PRELID2: variants seen among roughly 807,000 people sequenced by gnomAD.
PRELID2 encodes the protein PRELI domain-containing protein 2.
PRELID2 carries 25 observed loss-of-function variants against 28.4 expected under a neutral mutation model. The ratio of observed to expected loss-of-function variants is 0.88; its 90% CI spans 0.64 to 1.23. The LOEUF is 1.23. PRELID2 is among the 50% of genes most tolerant of loss of function. The probability of loss-of-function intolerance (pLI) is 0.00; values close to 1 mark genes in which losing one functional copy is unlikely to be tolerated. For missense variants in PRELID2, 201 were observed against 214.4 expected, an observed-to-expected ratio of 0.94 and a Z score of 0.39; for synonymous variants, 76 against 71.6, an observed-to-expected ratio of 1.06 and a Z score of -0.31.
intron 1 of PRELID2, among the ~76,000 whole-genome samples, chr5:145,680,890 T>C (rs896206439): frequency 1.3e-5 from 2 of 152,152 alleles, no homozygotes; most frequent in African/African-American, 4.8e-5. Context: ...TCATGAGATG[T>C]CATGTTCCGA....
chr5:145,288,365 C>A, the PRELID2 span, among the ~76,000 whole-genome samples: 12 of 152,102 alleles, frequency 7.9e-5, no homozygotes, highest in African/African-American at 2.9e-4. Context: ...TCACATTATT[C>A]CAGCTTTGAT....
Position 145,829,959 on chromosome 5 carries a change from A to C in PRELID2, c.75+5218T>G, listed in dbSNP as rs1045965785. On this transcript the variant is annotated intron_variant, in intron 1 of 6. Coordinates refer to ENST00000683046, the MANE Select transcript of PRELID2 (RefSeq NM_205846.3). ...ATTTTGTTCAGCACACCAGGCTCCC[A>C]GCCAAAATAAATAACACCCAGGGTC... Among the ~76,000 whole-genome samples, 5 of 152,376 alleles carry C rather than the reference A, an allele frequency of 3.3e-5. No individual in the cohort carries two copies. In the East Asian group the frequency reaches 9.6e-4, roughly 29 times the overall value.
At chr5:145,266,488 G>A in the PRELID2 span, among the ~76,000 whole-genome samples, 2 of 151,938 alleles carry the variant, frequency 1.3e-5, no homozygotes, top group African/African-American at 4.8e-5. Flanking sequence ...ACCACCATGT[G>A]ATACCACCTT....
rs1332903292 is a variant in PRELID2 at position 145,819,985 on chromosome 5, A to G, written c.167T>C (p.Ile56Thr). ...TGGAACCACGTTCTGACAGATTGCA[A>G]TCCTCTTTCTGTAGATGACCCCTGT... ...ESTGVIYRKR[I>T]AICQNVVPEI... The change falls in exon 3 of 7, where the codon ATT becomes ACT. Residue 56 changes from isoleucine (I) to threonine (T), a missense_variant. Transcript: ENST00000683046. 4 of 1,607,394 alleles carry G rather than the reference A, an allele frequency of 2.5e-6. No homozygotes were observed. The highest frequency in any genetic ancestry group is 2.2e-5 in the South Asian group (2 of 89,138).
chr5:145,559,770 G>A (rs1198520112), intron 1 of PRELID2, among the ~76,000 whole-genome samples: 2 of 150,882 alleles, frequency 1.3e-5, no homozygotes, highest in South Asian at 2.1e-4. Context: ...AGCAGTCAAT[G>A]TGGAACATTT....
intron 1 of PRELID2, among the ~76,000 whole-genome samples, chr5:145,478,899 A>G (rs886753436): frequency 6.6e-6 from 1 of 152,222 alleles, no homozygotes; most frequent in Admixed American, 6.5e-5. Context: ...TAGCCATAAC[A>G]GAGCCAAAAA....
chr5:145,726,283 CAGAA>C (rs929308519), intron 1 of PRELID2, among the ~76,000 whole-genome samples: 4 of 133,662 alleles, frequency 3.0e-5, no homozygotes, highest in South Asian at 2.5e-4. Context: ...GAGAAAGAGA[CAGAA>C]AGAAAGAAAG....
rs181534203 is a variant in PRELID2 at position 145,743,682 on chromosome 5, C to T, written n.70+21249G>A. On this transcript the variant is annotated intron_variant and non_coding_transcript_variant, in intron 1 of 2. Coordinates refer to the PRELID2 transcript ENST00000510259. ...GCTTTTTCCACGAAACTGTGCAACC[C>T]GTGGGTCGGAAGATCCCACTGGCGA... is the stretch of plus-strand genomic sequence containing the variant. Among the ~76,000 whole-genome samples the T allele has an allele frequency of 8.7e-4, 133 of 152,278 alleles. 1 individual carries two copies. In the East Asian group the frequency reaches 0.022, roughly 25 times the overall value.
chr5:145,396,411 G>A, the PRELID2 span, among the ~76,000 whole-genome samples: 1 of 151,572 alleles, frequency 6.6e-6, no homozygotes, highest in South Asian at 2.1e-4. Context: ...TAGCTTTCAG[G>A]CTGTAATTTG....
intron 1 of PRELID2, among the ~76,000 whole-genome samples, chr5:145,490,400 T>C (rs1752258533): frequency 6.6e-6 from 1 of 152,190 alleles, no homozygotes; most frequent in East Asian, 1.9e-4. Flanking sequence ...AGAATTTATA[T>C]TATGGATGTA....
At chr5:145,289,385 A>G in the PRELID2 span, among the ~76,000 whole-genome samples, 1 of 152,160 alleles carries the variant, frequency 6.6e-6, no homozygotes, top group South Asian at 2.1e-4. Flanking sequence ...TCTGGAACCT[A>G]GCAATATGGA....
chr5:145,678,082 G>A (rs1754855687), intron 1 of PRELID2, among the ~76,000 whole-genome samples: 1 of 152,194 alleles, frequency 6.6e-6, no homozygotes. Flanking sequence ...CACTTGTGCT[G>A]TGTAAAGAGG....
chr5:145,553,176 T>A (rs1242858196), intron 1 of PRELID2, among the ~76,000 whole-genome samples: 3 of 139,806 alleles, frequency 2.1e-5, no homozygotes, highest in Non-Finnish European at 4.6e-5. Context: ...TACCAGTTGC[T>A]AGAGGACCCC....
chr5:145,538,158 A>C (rs964118816), intron 1 of PRELID2, among the ~76,000 whole-genome samples: 1 of 151,824 alleles, frequency 6.6e-6, no homozygotes, highest in Non-Finnish European at 1.5e-5. Context: ...AAGTGAGTGA[A>C]TTTATTTCTG....
At chr5:145,781,671 TAC>T (rs1751616959) in intron 5 of PRELID2, among the ~76,000 whole-genome samples, 2 of 145,552 alleles carry the variant, frequency 1.4e-5, no homozygotes, top group East Asian at 2.0e-4. Context: ...ACTATATATA[TAC>T]ACTTATATAT....
rs530398606 is a variant in PRELID2 at position 145,796,289 on chromosome 5, T to C, written c.474+153A>G. The C allele has an allele frequency of 1.8e-5, 8 of 446,288 alleles. No homozygotes were observed. In the East Asian group the frequency reaches 2.5e-4, roughly 14 times the overall value. The allele number at this position is 446,288 out of a possible 1,614,324, so 27.6% of individuals were successfully genotyped here. A position where few individuals can be genotyped will look rare whatever the true frequency, so the allele number is the denominator to read the frequency against. ...AGTTTTACTTTGATTTGAATTTATG[T>C]AATAATTTTGAGGTTGATTATTTTT... On this transcript the variant is annotated intron_variant, in intron 5 of 6. Transcript: ENST00000683046.
Position 145,559,410 on chromosome 5 carries a change from TTC to T in PRELID2, n.71-86097_71-86096del, listed in dbSNP as rs1025279990. ...ATATATGTCTACTGACCTGAAAATA[TTC>T]TGTTACACTAAGCTTAAAAGGCTGC... is the stretch of plus-strand genomic sequence containing the variant. On this transcript the variant is annotated intron_variant and non_coding_transcript_variant, in intron 1 of 2. Coordinates refer to the PRELID2 transcript ENST00000510259. Among the ~76,000 whole-genome samples the T allele has an allele frequency of 6.8e-4, 103 of 152,314 alleles. 1 individual carries two copies. Among genetic ancestry groups the T allele is most frequent in the African/African-American group, 2.4e-3 (99 of 41,574 alleles).
intron 1 of PRELID2, among the ~76,000 whole-genome samples, chr5:145,731,312 T>C (rs539173283): frequency 5.1e-4 from 78 of 152,342 alleles, no homozygotes; most frequent in Admixed American, 2.2e-3. Context: ...TCGGCTTCTA[T>C]TCTCAGCCAT....
At chr5:145,797,462 C>T (rs1280231632) in intron 4 of PRELID2, among the ~76,000 whole-genome samples, 1 of 152,126 alleles carries the variant, frequency 6.6e-6, no homozygotes, top group Non-Finnish European at 1.5e-5. Flanking sequence ...GCTAACTGTG[C>T]ATCCAACATC....
Sources: gnomAD v4.1 joint callset for allele counts (sites outside exome capture counted in the v4.1 genomes callset) on GRCh38, gnomAD v4.1.1 for gene constraint, MANE v1.5 for transcripts, NCBI Gene and HGNC (gene_info 2026-07-23, HGNC 2026-07-21) for gene names.